Variants in SPIRE2 observed in about 807,000 individuals in gnomAD.
SPIRE2 encodes the protein spire type actin nucleation factor 2.
Under a neutral mutation model 80.7 loss-of-function variants are expected in SPIRE2, and 76 were observed. The ratio of observed to expected loss-of-function variants is 0.94; its 90% CI spans 0.78 to 1.14. The LOEUF is 1.14. Among genes scored for constraint, SPIRE2 ranks in the 50% most tolerant of loss-of-function variants. The pLI, the probability that SPIRE2 is intolerant of heterozygous loss-of-function variation, is 0.00. For missense variants in SPIRE2, 1,196 were observed against 1,015.3 expected (o/e 1.18, Z -2.42); for synonymous variants, 535 against 432.6 (o/e 1.24, Z -2.94).
At chr16:89,836,060 A>T (rs950660645) in intron 1 of SPIRE2, among the ~76,000 whole-genome samples, 1 of 152,120 alleles carries the variant, frequency 6.6e-6, no homozygotes, top group Non-Finnish European at 1.5e-5. Flanking sequence ...CTGTAGTCCC[A>T]GTTGTTTAGG....
chr16:89,860,396 C>T (rs999140275), intron 9 of SPIRE2, among the ~76,000 whole-genome samples: 3 of 152,120 alleles, frequency 2.0e-5, no homozygotes, highest in Non-Finnish European at 4.4e-5. Context: ...GTAGCTAGGA[C>T]TACCGACATG....
chr16:89,830,327 G>A (rs1437551776), intron 1 of SPIRE2, among the ~76,000 whole-genome samples: 1 of 151,300 alleles, frequency 6.6e-6, no homozygotes, highest in East Asian at 1.9e-4. Context: ...GTACCCACCT[G>A]TGGTCCAGTT....
intron 10 of SPIRE2, 40 bp downstream of exon 10, chr16:89,860,835 G>C: frequency 7.6e-7 from 1 of 1,320,726 alleles, no homozygotes; most frequent in Non-Finnish European, 1.0e-6. Flanking sequence ...CGGCCCAGGG[G>C]GCGTCTTTGC....
intron 12 of SPIRE2, among the ~76,000 whole-genome samples, chr16:89,867,102 A>G (rs929739553): frequency 2.0e-5 from 3 of 151,734 alleles, no homozygotes; most frequent in Admixed American, 2.0e-4. Context: ...TCTTTCCAAG[A>G]CAGTGTGCAA....
intron 9 of SPIRE2, among the ~76,000 whole-genome samples, chr16:89,860,106 G>A (rs1356259123): frequency 6.6e-6 from 1 of 152,170 alleles, no homozygotes; most frequent in Non-Finnish European, 1.5e-5. Context: ...TGTGAGGTGT[G>A]GACTGCAGGA....
intron 1 of SPIRE2, among the ~76,000 whole-genome samples, chr16:89,845,114 C>T (rs2041545565): frequency 6.6e-6 from 1 of 152,186 alleles, no homozygotes; most frequent in South Asian, 2.1e-4. Context: ...GCCCCTGTAC[C>T]TGGGTGTCCT....
chr16:89,834,358 G>A lies in SPIRE2; in HGVS notation c.244+5564G>A, dbSNP rs550819229. On this transcript the variant is annotated intron_variant, in intron 1 of 14. Coordinates refer to ENST00000378247, the MANE Select transcript of SPIRE2 (RefSeq NM_032451.2). ...AATCTGTGAACCTGCCTGTGCTCAC[G>A]GTTGGCCGTCGTAGAAGCCTGGATA... 2.0e-3 allele frequency among the ~76,000 whole-genome samples: 277 copies of A among 135,408 alleles called. 5 individuals carry two copies. Among genetic ancestry groups the A allele is most frequent in the African/African-American group, 6.8e-3 (263 of 38,472 alleles). The allele number at this position is 135,408 out of a possible 152,430, so 88.8% of individuals were successfully genotyped here. A position where few individuals can be genotyped will look rare whatever the true frequency, so the allele number is the denominator to read the frequency against.
At position 89,859,537 on chromosome 16, in the gene SPIRE2, TACTA is replaced by T. The variant is rs1386100123; in HGVS notation, c.1462+185_1462+188del. 5.3e-5 allele frequency among the ~76,000 whole-genome samples: 8 copies of T among 152,308 alleles called. No individual in the cohort carries two copies. The East Asian group carries it at 1.4e-3, about 26-fold the overall frequency. On this transcript the variant is annotated intron_variant, in intron 9 of 14. Transcript: ENST00000378247. ...TCTCCTTTTGTTTAACTTGAAAACT[TACTA>T]AGTAATGCATATTTATTATAAAAAT...
rs758783967 is a variant in SPIRE2, at chr16:89,850,513, C to T, written c.498C>T (p.Arg166=). Residue 166 remains arginine (R), a synonymous_variant, in exon 3 of 15, where the codon CGC becomes CGT. Transcript: ENST00000378247. ...EEAEGVPRSV[R]TFAQAMRLCA... Reference sequence around the variant, plus strand: ...CCGAGGGCGTCCCCCGCAGCGTGCGCACCTTTGCCCAGGCCATGCGGCTGT... The same window carrying T: ...CCGAGGGCGTCCCCCGCAGCGTGCGTACCTTTGCCCAGGCCATGCGGCTGT... 7 of 1,523,386 alleles carry T rather than the reference C, an allele frequency of 4.6e-6. No homozygotes were observed. The African/African-American group carries it at 9.6e-5, about 21-fold the overall frequency. The allele number at this position is 1,523,386 out of a possible 1,614,324, so 94.4% of individuals were successfully genotyped here.
At chr16:89,861,782 G>A (rs1052524909) in intron 10 of SPIRE2, among the ~76,000 whole-genome samples, 1 of 152,158 alleles carries the variant, frequency 6.6e-6, no homozygotes, top group Non-Finnish European at 1.5e-5. Flanking sequence ...GTGAGCAGGA[G>A]GCGTGAGTCC....
chr16:89,854,195 C>T (rs147256394), intron 3 of SPIRE2, 91 bp from the exon 4 acceptor site: 19,925 of 1,208,342 alleles, frequency 0.016, 212 homozygotes, highest in Non-Finnish European at 0.02. Context: ...GTGGAGCCCC[C>T]GTGACGTGGT....
chr16:89,857,045 GAC>G (rs565534144), intron 7 of SPIRE2, among the ~76,000 whole-genome samples: 117 of 145,712 alleles, frequency 8.0e-4, no homozygotes, highest in African/African-American at 2.9e-3. Context: ...TAGACTGGGT[GAC>G]AGAGTGAGAC....
chr16:89,857,065 C>CAA lies in SPIRE2; in HGVS notation c.1102+843_1102+844dup, dbSNP rs149681607. Among the ~76,000 whole-genome samples, 14 of 90,466 alleles carry CAA rather than the reference C, an allele frequency of 1.5e-4. No individual in the cohort carries two copies. In the East Asian group the frequency reaches 2.6e-3, roughly 17 times the overall value. The allele number at this position is 90,466 out of a possible 152,430, so 59.3% of individuals were successfully genotyped here. ...TGGGTGACAGAGTGAGACCTCGTTT[C>CAA]AAAAAAAAAAAAAAATCACTTTTTA... On this transcript the variant is annotated intron_variant, in intron 7 of 14. Coordinates refer to ENST00000378247, the MANE Select transcript of SPIRE2 (RefSeq NM_032451.2).
At chr16:89,834,682 A>G (rs865821638) in intron 1 of SPIRE2, among the ~76,000 whole-genome samples, 12 of 84,434 alleles carry the variant, frequency 1.4e-4, no homozygotes, top group South Asian at 4.5e-4. Flanking sequence ...ACCTGCCCGC[A>G]CTCGCGGTTG....
intron 1 of SPIRE2, among the ~76,000 whole-genome samples, chr16:89,842,534 A>G (rs2041515644): frequency 6.6e-6 from 1 of 152,152 alleles, no homozygotes; most frequent in Non-Finnish European, 1.5e-5. Flanking sequence ...ATTTTGATAC[A>G]ACTTTTTTTG....
Position 89,858,434 on chromosome 16 carries a change from C to A in SPIRE2, c.1199C>A (p.Ala400Asp), listed in dbSNP as rs752939091. 13 of 1,611,772 alleles carry A rather than the reference C, an allele frequency of 8.1e-6. No homozygotes were observed. Among genetic ancestry groups the A allele is most frequent in the African/African-American group, 5.3e-5 (4 of 74,936 alleles). ...NLSVTDAGGS[A>D]QRPRPRVLLK... is the part of the protein sequence containing the mutation. ...TCAGTCACAGATGCTGGGGGCAGCG[C>A]CCAGCGCCCGCGGCCCCGCGTGCTG... is the stretch of plus-strand genomic sequence containing the variant. Residue 400 changes from alanine to aspartate, a missense_variant, in exon 8 of 15, where the codon GCC becomes GAC. By Grantham distance (126) the Ala-to-Asp change is moderately radical. Transcript: ENST00000378247.
intron 12 of SPIRE2, among the ~76,000 whole-genome samples, chr16:89,864,537 A>C (rs2041772605): frequency 6.6e-6 from 1 of 152,216 alleles, no homozygotes; most frequent in Non-Finnish European, 1.5e-5. Flanking sequence ...CTGGCCCTTT[A>C]CACAAAAAAT....
At chr16:89,855,215 G>C (rs1206966153) in intron 5 of SPIRE2, among the ~76,000 whole-genome samples, 1 of 152,206 alleles carries the variant, frequency 6.6e-6, no homozygotes, top group Non-Finnish European at 1.5e-5. Context: ...CAGGATTACA[G>C]ATGTGAGCCA....
intron 2 of SPIRE2, chr16:89,845,801 T>C: frequency 3.4e-6 from 2 of 586,320 alleles, no homozygotes; most frequent in Non-Finnish European, 6.0e-6. Context: ...TCCTCTCCCA[T>C]TCACCTGCCC....
Sources: allele counts gnomAD v4.1 joint callset (sites outside exome capture counted in the v4.1 genomes callset), GRCh38; gene constraint gnomAD v4.1.1; transcripts MANE v1.5; gene names NCBI Gene and HGNC (gene_info 2026-07-23, HGNC 2026-07-21).